The following MS4A4E variants were observed in gnomAD, a reference collection of about 807,000 sequenced individuals.
MS4A4E encodes putative membrane-spanning 4-domains subfamily A member 4E.
Under a neutral mutation model 13.3 loss-of-function variants are expected in MS4A4E, and 23 were observed. That is an observed-to-expected ratio of 1.73 (90% CI 1.25 to 2.45). The LOEUF is 2.45. Ranked by LOEUF, MS4A4E falls within the 30% of genes most tolerant of loss-of-function variation. The pLI is 0.00. For missense variants in MS4A4E, 144 were observed against 131.2 expected (o/e 1.10, Z -0.48); for synonymous variants, 36 against 45.6 (o/e 0.79, Z 0.85).
At chr11:60,213,198 T>C in intron 4 of MS4A4E, 66 bp from the exon 5 acceptor site, 2 of 1,208,744 alleles carry the variant, frequency 1.7e-6, no homozygotes, top group Non-Finnish European at 2.3e-6. Context: ...TGTTAATTAC[T>C]TTACACTGCT....
At chr11:60,214,191 C>T (rs757803993) in intron 4 of MS4A4E, among the ~76,000 whole-genome samples, 1 of 152,166 alleles carries the variant, frequency 6.6e-6, no homozygotes, top group Non-Finnish European at 1.5e-5. Context: ...CAGGCATGAG[C>T]CACCGCGCCC....
chr11:60,212,691 T>G (rs636988), intron 5 of MS4A4E, among the ~76,000 whole-genome samples: 139,040 of 152,250 alleles, frequency 0.91, 63,632 homozygotes, highest in Non-Finnish European at 0.94. Context: ...AAATTAAACA[T>G]AAAAATTTAT....
chr11:60,222,711 C>T (rs1011787870), intron 3 of MS4A4E, among the ~76,000 whole-genome samples: 4 of 152,070 alleles, frequency 2.6e-5, no homozygotes, highest in Admixed American at 1.3e-4. Flanking sequence ...GAGGAAGGAA[C>T]GTTGCCACCG....
chr11:60,205,475 T>C (rs1006783249), intron 7 of MS4A4E, among the ~76,000 whole-genome samples: 12 of 152,222 alleles, frequency 7.9e-5, no homozygotes, highest in Non-Finnish European at 1.6e-4. Flanking sequence ...TGTATATGTA[T>C]TAATTAAAGC....
chr11:60,223,987 G>A (rs566668159), intron 3 of MS4A4E, among the ~76,000 whole-genome samples: 159 of 152,212 alleles, frequency 1.0e-3, no homozygotes, highest in African/African-American at 3.1e-3. Flanking sequence ...CGCTGTACAC[G>A]AGTGAAGGGG....
intron 3 of MS4A4E, among the ~76,000 whole-genome samples, chr11:60,223,005 C>A (rs1483956081): frequency 6.6e-6 from 1 of 152,030 alleles, no homozygotes; most frequent in African/African-American, 2.4e-5. Context: ...CTACAAATGG[C>A]CCAGACTAGG....
chr11:60,214,573 G>C lies in MS4A4E; in HGVS notation c.220C>G (p.Leu74Val), dbSNP rs1467886577. The C allele has an allele frequency of 1.1e-5, 16 of 1,523,554 alleles. No individual in the cohort carries two copies. The highest frequency in any genetic ancestry group is 1.4e-5 in the Non-Finnish European group (16 of 1,139,156). The allele number at this position is 1,523,554 out of a possible 1,614,324, so 94.4% of individuals were successfully genotyped here. ...ACCCCCCACAAAACATTACTCACCA[G>C]ACCTTTTGTTGTTCTAATTCCTGCT... ...VAAGIRTTKG[L>V]VGGSLGKNIT... Residue 74 changes from leucine to valine, a missense_variant and splice_region_variant, in exon 4 of 9, where the codon CTG becomes GTG. Leu to Val is a conservative substitution (Grantham distance 32, BLOSUM62 1). This residue lies in a region of MS4A4E where 119 missense variants were observed against 88.7 expected (regional missense o/e 1.34). Transcript: ENST00000651255.
intron 5 of MS4A4E, among the ~76,000 whole-genome samples, chr11:60,211,579 A>T (rs767560877): frequency 2.6e-5 from 4 of 152,158 alleles, no homozygotes; most frequent in Non-Finnish European, 4.4e-5. Context: ...AAAGTAACTG[A>T]AAGTTTGGTG....
At chr11:60,212,569 A>C (rs1174583847) in intron 5 of MS4A4E, among the ~76,000 whole-genome samples, 1 of 152,134 alleles carries the variant, frequency 6.6e-6, no homozygotes, top group African/African-American at 2.4e-5. Context: ...TCGGCCTCCC[A>C]AAGTGCTGGG....
Position 60,228,493 on chromosome 11 carries a change from G to A in MS4A4E, c.178+101C>T. ...ACAGCAGGAACTCTCCTTCATTGTT[G>A]ACTGAAATCTTCAAAATTGCAAAGT... is the stretch of plus-strand genomic sequence containing the variant. On this transcript the variant is annotated intron_variant, in intron 3 of 8. Transcript: ENST00000651255. 6.9e-6 allele frequency: 4 copies of A among 581,950 alleles called. No individual in the cohort carries two copies. The South Asian group carries it at 9.9e-5, about 14-fold the overall frequency. 36.0% of individuals were successfully genotyped at this position (581,950 alleles called of 1,614,324 possible).
intron 1 of MS4A4E, among the ~76,000 whole-genome samples, chr11:60,240,623 T>C (rs2084536662): frequency 1.3e-5 from 2 of 152,244 alleles, no homozygotes; most frequent in South Asian, 4.1e-4. Flanking sequence ...CTCCTTTTTA[T>C]TTTTTAAAGC....
Position 60,243,084 on chromosome 11 carries a change from G to T in MS4A4E, c.-143C>A. The T allele has an allele frequency of 1.3e-6, 1 of 761,812 alleles. No homozygotes were observed. The highest frequency in any genetic ancestry group is 2.1e-6 in the Non-Finnish European group (1 of 485,914). 47.2% of individuals were successfully genotyped at this position (761,812 alleles called of 1,614,324 possible). On this transcript the variant is annotated 5_prime_UTR_variant, in exon 1 of 9. Transcript: ENST00000651255. ...TCCACACCTCACTCAGTTTAAATCT[G>T]CACTCCTTTTCTAGTAGATGTTTGG...
chr11:60,223,045 A>G (rs894924241), intron 3 of MS4A4E, among the ~76,000 whole-genome samples: 3 of 151,672 alleles, frequency 2.0e-5, no homozygotes, highest in African/African-American at 7.3e-5. Flanking sequence ...TGGTCACTCC[A>G]CCAGGAAAAA....
intron 3 of MS4A4E, among the ~76,000 whole-genome samples, chr11:60,216,313 A>T (rs1426252): frequency 0.91 from 138,355 of 152,144 alleles, 63,077 homozygotes; most frequent in Non-Finnish European, 0.94. Context: ...GTTTTCAATG[A>T]GATCTTGAAA....
intron 3 of MS4A4E, among the ~76,000 whole-genome samples, chr11:60,224,633 C>G (rs897984360): frequency 2.6e-5 from 4 of 152,178 alleles, no homozygotes; most frequent in Non-Finnish European, 5.9e-5. Context: ...AATCCTTACA[C>G]CACCAAATTA....
At chr11:60,212,075 G>C (rs2084129278) in intron 5 of MS4A4E, among the ~76,000 whole-genome samples, 1 of 152,202 alleles carries the variant, frequency 6.6e-6, no homozygotes, top group Non-Finnish European at 1.5e-5. Flanking sequence ...TGTTGTGTAA[G>C]TGGTAATTTT....
chr11:60,242,644 T>C (rs960208578), intron 1 of MS4A4E, among the ~76,000 whole-genome samples: 4 of 152,210 alleles, frequency 2.6e-5, no homozygotes, highest in African/African-American at 7.2e-5. Context: ...AAAATGTTGC[T>C]TACAGTGTTT....
intron 5 of MS4A4E, among the ~76,000 whole-genome samples, chr11:60,209,470 G>A (rs753996611): frequency 1.3e-5 from 2 of 152,174 alleles, no homozygotes; most frequent in Non-Finnish European, 2.9e-5. Context: ...TTTTAGCCCA[G>A]TGAGACCCAC....
chr11:60,211,010 C>G (rs2084113877), intron 5 of MS4A4E, among the ~76,000 whole-genome samples: 1 of 152,242 alleles, frequency 6.6e-6, no homozygotes, highest in African/African-American at 2.4e-5. Context: ...TCTTCTAACT[C>G]TGAGGTCCTG....
Sources: allele counts gnomAD v4.1 joint callset (sites outside exome capture counted in the v4.1 genomes callset), GRCh38; gene constraint gnomAD v4.1.1; regional missense constraint gnomAD v4.1.1; transcripts MANE v1.5; gene names NCBI Gene and HGNC (gene_info 2026-07-23, HGNC 2026-07-21).